Variants in GFRA2 observed in about 807,000 individuals in gnomAD.
GFRA2 encodes GDNF family receptor alpha 2.
A neutral mutation model predicts 48.3 loss-of-function variants in GFRA2; 17 were observed. That is an observed-to-expected ratio of 0.35 (90% CI 0.24 to 0.53). The LOEUF is 0.53. GFRA2 is among the 20% of genes least tolerant of loss of function. GFRA2 has a pLI of 0.93. For missense variants in GFRA2, 660 were observed against 637.3 expected (o/e 1.04, Z -0.38); for synonymous variants, 305 against 257.2 (o/e 1.19, Z -1.78).
upstream of GFRA2, among the ~76,000 whole-genome samples, chr8:21,793,207 G>T (rs1807607725): frequency 6.6e-6 from 1 of 152,208 alleles, no homozygotes; most frequent in Admixed American, 6.5e-5. Flanking sequence ...TCAGATTCAT[G>T]CACCAGGAGC....
chr8:21,712,376 G>C (rs1317145857), intron 4 of GFRA2, among the ~76,000 whole-genome samples: 1 of 151,058 alleles, frequency 6.6e-6, no homozygotes, highest in African/African-American at 2.4e-5. Context: ...ACGGGGCGGC[G>C]GGGCAGAGGC....
intron 3 of GFRA2, among the ~76,000 whole-genome samples, chr8:21,761,223 G>A (rs937848908): frequency 1.3e-5 from 2 of 152,092 alleles, no homozygotes; most frequent in African/African-American, 2.4e-5. Flanking sequence ...ACCCCAGCCC[G>A]CCCTCAAGAT....
At chr8:21,800,746 G>C (rs1314873754) in intron 2 of GFRA2, among the ~76,000 whole-genome samples, 1 of 152,154 alleles carries the variant, frequency 6.6e-6, no homozygotes, top group Non-Finnish European at 1.5e-5. Flanking sequence ...GCAACACGGT[G>C]AGACCCCATC....
chr8:21,727,226 C>A (rs1215184023), intron 4 of GFRA2, among the ~76,000 whole-genome samples: 4 of 152,202 alleles, frequency 2.6e-5, no homozygotes, highest in Non-Finnish European at 5.9e-5. Context: ...TCTGTGTGTC[C>A]AGACTGAGAG....
chr8:21,731,198 G>C (rs80124378), intron 4 of GFRA2, among the ~76,000 whole-genome samples: 3,226 of 152,176 alleles, frequency 0.021, 135 homozygotes, highest in African/African-American at 0.074. Flanking sequence ...TGACAGCCTC[G>C]TCTTCTGAGT....
upstream of GFRA2, among the ~76,000 whole-genome samples, chr8:21,790,305 G>A (rs1295814729): frequency 6.6e-6 from 1 of 152,198 alleles, no homozygotes; most frequent in Non-Finnish European, 1.5e-5. Flanking sequence ...CCTGGGGTGG[G>A]GTACACGCAG....
chr8:21,760,195 A>G (rs1805832419), intron 3 of GFRA2, among the ~76,000 whole-genome samples: 1 of 152,146 alleles, frequency 6.6e-6, no homozygotes, highest in South Asian at 2.1e-4. Context: ...GCAGGTAAGA[A>G]CTTCAGATTT....
At chr8:21,728,279 T>G (rs1466475621) in intron 4 of GFRA2, among the ~76,000 whole-genome samples, 2 of 138,792 alleles carry the variant, frequency 1.4e-5, no homozygotes, top group African/African-American at 2.7e-5. Context: ...TTTTTTTTTT[T>G]TTTTTTTTTT....
intron 4 of GFRA2, among the ~76,000 whole-genome samples, chr8:21,724,382 C>T (rs544067480): frequency 2.6e-5 from 4 of 152,172 alleles, no homozygotes; most frequent in South Asian, 4.1e-4. Flanking sequence ...AGTATTGCCA[C>T]GCTGGAATGG....
In GFRA2 at chr8:21,750,366, G is replaced by C. The variant is rs28552426; in HGVS notation, c.794+222C>G. Among the ~76,000 whole-genome samples the C allele has an allele frequency of 2.8e-3, 422 of 152,318 alleles. 1 individual carries two copies. Among genetic ancestry groups the C allele is most frequent in the African/African-American group, 9.6e-3 (401 of 41,568 alleles). ...ATAAACCTGTTCTGAGTGAATGAAT[G>C]AACAAATGAATGAATAAAGAAGTAG... On this transcript the variant is annotated intron_variant, in intron 4 of 8. Coordinates refer to ENST00000524240, the MANE Select transcript of GFRA2 (RefSeq NM_001495.5). This position sits in a 1 kb window ranked among gnomAD's most constrained non-coding sequence, Gnocchi z 5.7.
chr8:21,811,183 C>A (rs542175798), intron 1 of GFRA2, among the ~76,000 whole-genome samples: 44 of 152,250 alleles, frequency 2.9e-4, no homozygotes, highest in African/African-American at 1.0e-3. Context: ...CTGTGGAGGC[C>A]CAGCCAGCAG....
At chr8:21,796,651 C>T (rs1397983741) in intron 2 of GFRA2, among the ~76,000 whole-genome samples, 5 of 152,238 alleles carry the variant, frequency 3.3e-5, no homozygotes, top group African/African-American at 4.8e-5. Context: ...CTCACCTTGA[C>T]CTTTCATTCT....
chr8:21,799,112 T>C (rs1807726342), intron 2 of GFRA2, among the ~76,000 whole-genome samples: 1 of 152,202 alleles, frequency 6.6e-6, no homozygotes, highest in East Asian at 1.9e-4. Flanking sequence ...TTCAAACCAC[T>C]TATCTACTTG....
chr8:21,714,525 C>A (rs558112701), intron 4 of GFRA2, among the ~76,000 whole-genome samples: 1 of 152,040 alleles, frequency 6.6e-6, no homozygotes, highest in Non-Finnish European at 1.5e-5. Flanking sequence ...TGCTAGAATT[C>A]CAGGCCTGAC....
At chr8:21,759,759 T>C (rs1805804513) in intron 3 of GFRA2, among the ~76,000 whole-genome samples, 1 of 151,450 alleles carries the variant, frequency 6.6e-6, no homozygotes, top group African/African-American at 2.4e-5. Context: ...TGTGGTGGCA[T>C]GTGCCTGTAA....
intron 5 of GFRA2, 115 bp from the exon 6 acceptor site, chr8:21,705,240 T>G (rs1342006468): frequency 9.5e-7 from 1 of 1,047,368 alleles, no homozygotes; most frequent in Non-Finnish European, 1.4e-6. Context: ...TCCTCTGACC[T>G]GGCCCCAAAA....
intron 4 of GFRA2, among the ~76,000 whole-genome samples, chr8:21,742,322 T>C (rs761610262): frequency 2.0e-5 from 3 of 152,134 alleles, no homozygotes; most frequent in Non-Finnish European, 4.4e-5. Flanking sequence ...AGACAACAGA[T>C]TGATCTCTCT....
chr8:21,793,814 C>T (rs1313838982), upstream of GFRA2, among the ~76,000 whole-genome samples: 1 of 151,740 alleles, frequency 6.6e-6, no homozygotes, highest in Non-Finnish European at 1.5e-5. Flanking sequence ...AAGATATCCT[C>T]TTCCTCCCTT....
At position 21,774,982 on chromosome 8, in the gene GFRA2, T is replaced by A. The variant is rs1806624892; in HGVS notation, c.429A>T (p.Ser143=). Residue 143 remains serine (S), a synonymous_variant, in exon 3 of 9, where the codon TCA becomes TCT. Transcript: ENST00000524240. ...TGCGAGCTCACTTACCTGAGAAGATTGAAGCAAGCCTGAAGATGTCCGAGA... is the reference window on the plus strand; with the variant it reads ...TGCGAGCTCACTTACCTGAGAAGATAGAAGCAAGCCTGAAGATGTCCGAGA... ...SRLSDIFRLA[S]IFSGTGADPV... 1 of 1,590,620 alleles carries A rather than the reference T, an allele frequency of 6.3e-7. No homozygotes were observed. Among genetic ancestry groups the A allele is most frequent in the Admixed American group, 1.7e-5 (1 of 59,948 alleles).
Sources: allele counts gnomAD v4.1 joint callset (sites outside exome capture counted in the v4.1 genomes callset), GRCh38; gene constraint gnomAD v4.1.1; non-coding constraint Gnocchi (gnomAD v3.1); transcripts MANE v1.5; gene names NCBI Gene and HGNC (gene_info 2026-07-23, HGNC 2026-07-21).